The following KMT2E variants were observed in gnomAD, a reference collection of about 807,000 sequenced individuals.
KMT2E encodes the protein histone reader KMT2E.
In KMT2E, 30 loss-of-function variants were observed where a neutral mutation model predicts 184.6. That is an observed-to-expected ratio of 0.16 (90% CI 0.12 to 0.22). The LOEUF (loss-of-function observed/expected upper bound fraction) is 0.22. KMT2E is among the 10% of genes least tolerant of loss of function. The pLI, the probability that KMT2E is intolerant of heterozygous loss-of-function variation, is 1.00. For missense variants in KMT2E, 2,023 were observed against 2,237.4 expected (o/e 0.90, Z 1.93); for synonymous variants, 815 against 776.5 (o/e 1.05, Z -0.82).
chr7:105,086,280 TTC>T (rs1797960732), intron 13 of KMT2E, among the ~76,000 whole-genome samples: 1 of 152,196 alleles, frequency 6.6e-6, no homozygotes, highest in South Asian at 2.1e-4. Context: ...TATGTACATG[TTC>T]TCTCCATGGT....
At chr7:105,094,408 G>A (rs984096876) in intron 15 of KMT2E, among the ~76,000 whole-genome samples, 5 of 152,120 alleles carry the variant, frequency 3.3e-5, no homozygotes, top group Admixed American at 2.0e-4. Flanking sequence ...TACAGGTTGA[G>A]TATTACTTTT....
chr7:105,111,681 A>C, intron 26 of KMT2E, 144 bp from the exon 27 acceptor site: 1 of 972,072 alleles, frequency 1.0e-6, no homozygotes. Flanking sequence ...TAACATCCCA[A>C]GCCTCCATAA....
chr7:105,014,678 A>G (rs951490886), intron 1 of KMT2E, 143 bp downstream of exon 1: 1 of 152,032 alleles, frequency 6.6e-6, no homozygotes, highest in Non-Finnish European at 1.5e-5. Flanking sequence ...CCGGCGCAAG[A>G]CGTTGCTTGC....
chr7:105,089,226 T>C, intron 13 of KMT2E: 1 of 404,308 alleles, frequency 2.5e-6, no homozygotes, highest in Non-Finnish European at 4.8e-6. Flanking sequence ...CTGGATGCAG[T>C]CTCACTCTGT....
At chr7:105,092,506 A>G (rs1056627745) in intron 15 of KMT2E, among the ~76,000 whole-genome samples, 1 of 152,266 alleles carries the variant, frequency 6.6e-6, no homozygotes, top group Non-Finnish European at 1.5e-5. Context: ...AAAATTCTGA[A>G]AACTATAAAG....
chr7:105,100,503 T>TTGA (rs1288440309), intron 15 of KMT2E, among the ~76,000 whole-genome samples: 1 of 152,114 alleles, frequency 6.6e-6, no homozygotes, highest in Non-Finnish European at 1.5e-5. Context: ...AACTGGACAG[T>TTGA]TGATGGATGT....
intron 3 of KMT2E, among the ~76,000 whole-genome samples, chr7:105,060,153 C>T (rs561476163): frequency 3.3e-5 from 5 of 151,418 alleles, no homozygotes; most frequent in East Asian, 1.9e-4. Flanking sequence ...TGCCATCACC[C>T]CTGCCTACTT....
intron 1 of KMT2E, among the ~76,000 whole-genome samples, chr7:105,029,948 A>G (rs1427005582): frequency 6.6e-6 from 1 of 152,174 alleles, no homozygotes; most frequent in Non-Finnish European, 1.5e-5. Context: ...GTGTTAGAAA[A>G]AGGGAAATTG....
chr7:105,069,096 A>G (rs1354084765), intron 6 of KMT2E, among the ~76,000 whole-genome samples: 1 of 152,162 alleles, frequency 6.6e-6, no homozygotes, highest in Non-Finnish European at 1.5e-5. Flanking sequence ...CTTATCCTGC[A>G]CTTCTGTGCC....
At chr7:105,072,313 G>T (rs891131288) in intron 6 of KMT2E, among the ~76,000 whole-genome samples, 22 of 152,180 alleles carry the variant, frequency 1.4e-4, no homozygotes, top group African/African-American at 5.1e-4. Flanking sequence ...GCAACAGAGC[G>T]AGACTCCGTC....
At chr7:105,027,379 T>G (rs1795216805) in intron 1 of KMT2E, among the ~76,000 whole-genome samples, 1 of 152,128 alleles carries the variant, frequency 6.6e-6, no homozygotes, top group South Asian at 2.1e-4. Context: ...GTGAGTGTAG[T>G]CTGTCTCATA....
chr7:105,027,829 C>G (rs1326791606), intron 1 of KMT2E, among the ~76,000 whole-genome samples: 1 of 151,916 alleles, frequency 6.6e-6, no homozygotes, highest in Non-Finnish European at 1.5e-5. Flanking sequence ...ATTTTGGTCC[C>G]TTGCTGATTT....
At chr7:105,055,197 G>A (rs1263207771) in intron 3 of KMT2E, among the ~76,000 whole-genome samples, 1 of 140,322 alleles carries the variant, frequency 7.1e-6, no homozygotes, top group Non-Finnish European at 1.5e-5. Context: ...TGTGTGTGTG[G>A]TTTTTGTTTT....
At chr7:105,099,676 T>G (rs1032731500) in intron 15 of KMT2E, among the ~76,000 whole-genome samples, 16 of 152,170 alleles carry the variant, frequency 1.1e-4, no homozygotes, top group South Asian at 2.1e-4. Context: ...CTTCCTTGGG[T>G]GCCCACCTGT....
chr7:105,106,820 G>A, intron 20 of KMT2E, 48 bp downstream of exon 20: 1 of 1,580,166 alleles, frequency 6.3e-7, no homozygotes, highest in Non-Finnish European at 8.6e-7. Flanking sequence ...TGGGGGGATG[G>A]AATTTCTTTT....
At chr7:105,081,617 C>T (rs1797767188) in intron 12 of KMT2E, 71 bp from the exon 13 acceptor site, 1 of 791,702 alleles carries the variant, frequency 1.3e-6, no homozygotes, top group Admixed American at 2.5e-5. Context: ...GAATAATTTT[C>T]AAAATTGTAA....
At chr7:105,091,609 T>G in intron 15 of KMT2E, 1 of 506,436 alleles carries the variant, frequency 2.0e-6, no homozygotes, top group Non-Finnish European at 3.5e-6. Context: ...AATGCCACAA[T>G]TACTGTTCAG....
chr7:105,080,129 G>A (rs1797701638), intron 12 of KMT2E, among the ~76,000 whole-genome samples: 1 of 152,128 alleles, frequency 6.6e-6, no homozygotes, highest in Non-Finnish European at 1.5e-5. Flanking sequence ...TTACAGGCAT[G>A]AGCCACCAGG....
chr7:105,088,359 C>T (rs1798070032), intron 13 of KMT2E, among the ~76,000 whole-genome samples: 1 of 152,176 alleles, frequency 6.6e-6, no homozygotes, highest in African/African-American at 2.4e-5. Flanking sequence ...CTGTTAATAC[C>T]TGATTTGGGA....
Sources: gnomAD v4.1 joint callset for allele counts (sites outside exome capture counted in the v4.1 genomes callset) on GRCh38, gnomAD v4.1.1 for gene constraint, MANE v1.5 for transcripts, NCBI Gene and HGNC (gene_info 2026-07-23, HGNC 2026-07-21) for gene names.